MEI4: variants seen among roughly 807,000 people sequenced by gnomAD.
MEI4 encodes meiotic double-stranded break formation protein 4, also known as meiosis-specific protein MEI4.
In MEI4, 27 loss-of-function variants were observed where a neutral mutation model predicts 31.4. The ratio of observed to expected loss-of-function variants is 0.86; its 90% CI spans 0.63 to 1.19. The LOEUF (loss-of-function observed/expected upper bound fraction) is 1.19. Ranked by LOEUF, MEI4 falls within the 50% of genes most tolerant of loss-of-function variation. The probability of loss-of-function intolerance (pLI) is 0.00; values close to 1 mark genes in which losing one functional copy is unlikely to be tolerated. For missense variants in MEI4, 329 were observed against 398.9 expected, an observed-to-expected ratio of 0.82 and a Z score of 1.49; for synonymous variants, 122 against 145.4, an observed-to-expected ratio of 0.84 and a Z score of 1.16.
chr6:77,855,867 CTT>C (rs1480559506), intron 4 of MEI4, among the ~76,000 whole-genome samples: 1 of 152,092 alleles, frequency 6.6e-6, no homozygotes, highest in East Asian at 1.9e-4. Flanking sequence ...TTCTAATCTT[CTT>C]ATCACAAAAA....
rs1034123144 is a variant in MEI4, at chr6:77,761,114, T to C, written c.233-16T>C. ...CAGCTGCATGAAGATAATCCTTCTA[T>C]TCCTTTATTTTTCAGGATACGTTTC... is the stretch of plus-strand genomic sequence containing the variant. On this transcript the variant is annotated splice_polypyrimidine_tract_variant and intron_variant, in intron 2 of 4. Transcript: ENST00000684080. The C allele has an allele frequency of 1.6e-6, 2 of 1,230,866 alleles. No homozygotes were observed. The highest frequency in any genetic ancestry group is 3.1e-5 in the African/African-American group (2 of 64,388). The allele number at this position is 1,230,866 out of a possible 1,614,324, so 76.2% of individuals were successfully genotyped here. A position where few individuals can be genotyped will look rare whatever the true frequency, so the allele number is the denominator to read the frequency against.
chr6:77,654,420 G>T (rs1174539061), intron 1 of MEI4, among the ~76,000 whole-genome samples: 1 of 151,564 alleles, frequency 6.6e-6, no homozygotes, highest in Non-Finnish European at 1.5e-5. Context: ...CAGATTTTCA[G>T]GTTCTCTGAC....
intron 4 of MEI4, among the ~76,000 whole-genome samples, chr6:77,851,309 C>T (rs1222797767): frequency 6.6e-6 from 1 of 152,132 alleles, no homozygotes; most frequent in Non-Finnish European, 1.5e-5. Flanking sequence ...GATTATAAGT[C>T]ATGCTGCTAT....
At chr6:77,812,784 T>G (rs927226433) in intron 3 of MEI4, among the ~76,000 whole-genome samples, 1 of 152,152 alleles carries the variant, frequency 6.6e-6, no homozygotes, top group Non-Finnish European at 1.5e-5. Context: ...TGTGGGCTGT[T>G]GATTCTGAGC....
chr6:77,709,859 G>A (rs1174004844), intron 2 of MEI4, among the ~76,000 whole-genome samples: 1 of 152,158 alleles, frequency 6.6e-6, no homozygotes, highest in African/African-American at 2.4e-5. Flanking sequence ...TTTTTAGGGA[G>A]TGTTTATTCT....
chr6:77,664,317 G>A (rs1355513040), intron 1 of MEI4, among the ~76,000 whole-genome samples: 2 of 152,128 alleles, frequency 1.3e-5, no homozygotes, highest in Admixed American at 6.5e-5. Flanking sequence ...GCTGTAAAGT[G>A]TCTCAGGGTT....
chr6:77,788,266 G>C (rs1423851634), intron 3 of MEI4, among the ~76,000 whole-genome samples: 1 of 152,078 alleles, frequency 6.6e-6, no homozygotes, highest in Admixed American at 6.6e-5. Flanking sequence ...AATAATAAGA[G>C]CTATCTATGA....
At chr6:77,704,866 C>G (rs1035200013) in intron 2 of MEI4, among the ~76,000 whole-genome samples, 1 of 152,016 alleles carries the variant, frequency 6.6e-6, no homozygotes, top group African/African-American at 2.4e-5. Flanking sequence ...GATTTGTAGG[C>G]CGGCTTCTGA....
intron 4 of MEI4, among the ~76,000 whole-genome samples, chr6:77,874,258 G>C (rs1328388158): frequency 3.9e-5 from 6 of 152,134 alleles, no homozygotes; most frequent in South Asian, 4.1e-4. Flanking sequence ...TCTTCCATTT[G>C]TTTGTATCCT....
At chr6:77,916,792 A>C (rs1467085228) in intron 4 of MEI4, among the ~76,000 whole-genome samples, 1 of 151,652 alleles carries the variant, frequency 6.6e-6, no homozygotes, top group Admixed American at 6.6e-5. Flanking sequence ...ATTATACTTT[A>C]AGTTTTAGGG....
chr6:77,738,962 C>G (rs1320073339), intron 2 of MEI4, among the ~76,000 whole-genome samples: 1 of 151,824 alleles, frequency 6.6e-6, no homozygotes, highest in Non-Finnish European at 1.5e-5. Flanking sequence ...AATTTAAATT[C>G]CTTGTAGACT....
chr6:77,687,033 T>C (rs1336615710), intron 1 of MEI4, among the ~76,000 whole-genome samples: 1 of 151,948 alleles, frequency 6.6e-6, no homozygotes, highest in African/African-American at 2.4e-5. Flanking sequence ...GAGAAATAAA[T>C]GATACAAATG....
intron 4 of MEI4, among the ~76,000 whole-genome samples, chr6:77,893,463 C>T (rs368702924): frequency 6.6e-6 from 1 of 152,176 alleles, no homozygotes; most frequent in Non-Finnish European, 1.5e-5. Context: ...AACACTACTA[C>T]GGTAACACTT....
intron 3 of MEI4, among the ~76,000 whole-genome samples, chr6:77,773,390 G>A (rs1032215045): frequency 1.3e-5 from 2 of 151,908 alleles, no homozygotes; most frequent in African/African-American, 4.8e-5. Context: ...CCCATCTACA[G>A]TGAACTCATT....
At chr6:77,752,317 G>T (rs1303674947) in intron 2 of MEI4, among the ~76,000 whole-genome samples, 1 of 152,164 alleles carries the variant, frequency 6.6e-6, no homozygotes, top group African/African-American at 2.4e-5. Context: ...TAGGAAAAGA[G>T]GAAGTCAAAT....
intron 2 of MEI4, among the ~76,000 whole-genome samples, chr6:77,755,347 T>G (rs920402926): frequency 2.0e-5 from 3 of 152,116 alleles, no homozygotes; most frequent in Non-Finnish European, 4.4e-5. Flanking sequence ...AAATGAAATA[T>G]AAAGTCTATG....
intron 2 of MEI4, among the ~76,000 whole-genome samples, chr6:77,698,204 T>C (rs1463100879): frequency 6.6e-6 from 1 of 152,068 alleles, no homozygotes; most frequent in Admixed American, 6.5e-5. Context: ...CACTGATGGG[T>C]CTTGACTTCT....
chr6:77,845,094 C>T (rs538279675), intron 4 of MEI4, among the ~76,000 whole-genome samples: 19 of 151,944 alleles, frequency 1.3e-4, no homozygotes, highest in Admixed American at 1.3e-4. Context: ...TGGTGACTTT[C>T]GATGTCTTCA....
intron 3 of MEI4, among the ~76,000 whole-genome samples, chr6:77,770,540 A>G (rs1359231130): frequency 6.6e-6 from 1 of 152,112 alleles, no homozygotes; most frequent in African/African-American, 2.4e-5. Flanking sequence ...GAGCCCAAAT[A>G]CCCAAGGCAA....
Sources: allele counts gnomAD v4.1 joint callset (sites outside exome capture counted in the v4.1 genomes callset), GRCh38; gene constraint gnomAD v4.1.1; transcripts MANE v1.5; gene names NCBI Gene and HGNC (gene_info 2026-07-23, HGNC 2026-07-21).